Variants in RBFOX1 observed in about 807,000 individuals in gnomAD.
RBFOX1 encodes RNA binding protein fox-1 homolog 1.
RBFOX1 carries 8 observed loss-of-function variants against 57.7 expected under a neutral mutation model. The ratio of observed to expected loss-of-function variants is 0.14; its 90% CI spans 0.08 to 0.25. The LOEUF (loss-of-function observed/expected upper bound fraction) is 0.25, where lower values mean the gene tolerates loss of function less well. Ranked by LOEUF, RBFOX1 falls within the 10% of genes least tolerant of loss-of-function variation. The pLI, the probability that RBFOX1 is intolerant of heterozygous loss-of-function variation, is 1.00. For missense variants in RBFOX1, 611 were observed against 548.5 expected, an observed-to-expected ratio of 1.11 and a Z score of -1.14; for synonymous variants, 326 against 222.4, an observed-to-expected ratio of 1.47 and a Z score of -4.15.
intron 1 of RBFOX1, among the ~76,000 whole-genome samples, chr16:5,259,656 C>G (rs1364018780): frequency 6.6e-6 from 1 of 152,158 alleles, no homozygotes; most frequent in Non-Finnish European, 1.5e-5. Flanking sequence ...TAAGAAGAAT[C>G]TTTTTGCCCT....
chr16:6,925,109 GTT>G (rs57556084), intron 3 of RBFOX1, among the ~76,000 whole-genome samples: 12 of 45,252 alleles, frequency 2.7e-4, no homozygotes, highest in South Asian at 8.5e-4. Context: ...TAGGTTGTTG[GTT>G]TTTTTTTTTT....
intron 4 of RBFOX1, among the ~76,000 whole-genome samples, chr16:7,330,607 C>G (rs868425646): frequency 1.3e-5 from 2 of 151,714 alleles, no homozygotes; most frequent in Admixed American, 6.6e-5. Flanking sequence ...ACCTCTTCCT[C>G]AAGTTTGCTT....
At chr16:7,046,057 C>T (rs144201730) in intron 3 of RBFOX1, among the ~76,000 whole-genome samples, 63 of 152,272 alleles carry the variant, frequency 4.1e-4, no homozygotes, top group African/African-American at 1.4e-3. Context: ...TATTAAAATA[C>T]TTGCTGATTA....
At chr16:7,672,207 A>AC (rs1160966284) in intron 13 of RBFOX1, among the ~76,000 whole-genome samples, 1 of 152,150 alleles carries the variant, frequency 6.6e-6, no homozygotes, top group East Asian at 1.9e-4. Context: ...AACTGAACAA[A>AC]TTTGTAGGAA....
intron 4 of RBFOX1, among the ~76,000 whole-genome samples, chr16:7,132,057 T>C (rs1183936029): frequency 7.0e-6 from 1 of 143,656 alleles, no homozygotes; most frequent in Admixed American, 7.2e-5. Flanking sequence ...AGTGGCACAA[T>C]ATCAGGTCAC....
At chr16:7,239,024 T>C (rs555114985) in intron 4 of RBFOX1, among the ~76,000 whole-genome samples, 5 of 152,228 alleles carry the variant, frequency 3.3e-5, no homozygotes, top group Admixed American at 6.5e-5. Flanking sequence ...TACCACACTT[T>C]CTTTATCCAG....
chr16:7,011,554 C>T (rs774608498), intron 3 of RBFOX1, among the ~76,000 whole-genome samples: 2 of 152,298 alleles, frequency 1.3e-5, no homozygotes, highest in East Asian at 1.9e-4. Context: ...TGCTTTGTCG[C>T]ACAGGCTGGA....
intron 1 of RBFOX1, 116 bp downstream of exon 1, chr16:6,020,108 G>T (rs905712125): frequency 6.7e-6 from 8 of 1,193,834 alleles, no homozygotes; most frequent in Non-Finnish European, 7.6e-6. Flanking sequence ...CCTAGCGCCA[G>T]TCTGGGCGCT....
At chr16:6,057,892 G>A (rs982183208) in intron 1 of RBFOX1, among the ~76,000 whole-genome samples, 3 of 123,924 alleles carry the variant, frequency 2.4e-5, no homozygotes, top group East Asian at 2.6e-4. Context: ...GTAGGCAACC[G>A]CTCAGTTGAA....
At chr16:7,366,797 G>T (rs1009106626) in intron 4 of RBFOX1, among the ~76,000 whole-genome samples, 1 of 151,986 alleles carries the variant, frequency 6.6e-6, no homozygotes, top group Non-Finnish European at 1.5e-5. Context: ...ATCAAAAATG[G>T]GATTCCAGTG....
intron 1 of RBFOX1, among the ~76,000 whole-genome samples, chr16:5,397,501 T>C (rs2066593941): frequency 6.6e-6 from 1 of 152,214 alleles, no homozygotes; most frequent in South Asian, 2.1e-4. Flanking sequence ...GTGCCATATC[T>C]GCAACCCCAT....
chr16:7,019,630 A>G (rs952466419), intron 3 of RBFOX1, among the ~76,000 whole-genome samples: 4 of 127,472 alleles, frequency 3.1e-5, no homozygotes, highest in African/African-American at 1.8e-4. Context: ...TGATGTGATC[A>G]GGGCTGTGAT....
At chr16:7,396,643 A>C (rs2098143147) in intron 4 of RBFOX1, among the ~76,000 whole-genome samples, 1 of 152,202 alleles carries the variant, frequency 6.6e-6, no homozygotes, top group Admixed American at 6.5e-5. Flanking sequence ...AACACTTCTC[A>C]AAACACAGCA....
At chr16:7,508,114 G>T (rs933484873) in intron 4 of RBFOX1, among the ~76,000 whole-genome samples, 2 of 152,014 alleles carry the variant, frequency 1.3e-5, no homozygotes, top group Non-Finnish European at 2.9e-5. Flanking sequence ...AGCCTCCAAA[G>T]TAGCTGGGAT....
At chr16:5,248,824 A>G (rs2062370262) in intron 1 of RBFOX1, among the ~76,000 whole-genome samples, 1 of 152,054 alleles carries the variant, frequency 6.6e-6, no homozygotes, top group Non-Finnish European at 1.5e-5. Flanking sequence ...GCCTGTCTCT[A>G]ATAAAAATAC....
intron 2 of RBFOX1, among the ~76,000 whole-genome samples, chr16:6,368,908 C>A (rs183977473): frequency 1.3e-5 from 2 of 152,126 alleles, no homozygotes; most frequent in Non-Finnish European, 2.9e-5. Flanking sequence ...CAGTGGAATA[C>A]TACAGAGCAG....
intron 3 of RBFOX1, among the ~76,000 whole-genome samples, chr16:6,951,349 G>C (rs1300184107): frequency 1.3e-5 from 2 of 152,090 alleles, no homozygotes; most frequent in Non-Finnish European, 2.9e-5. Flanking sequence ...GGGTATTCTG[G>C]CTAACTCTTT....
chr16:6,601,985 C>CTA (rs2097858899), intron 2 of RBFOX1, among the ~76,000 whole-genome samples: 1 of 152,092 alleles, frequency 6.6e-6, no homozygotes, highest in African/African-American at 2.4e-5. Context: ...TCTCTCTTGT[C>CTA]AGGTAGGACA....
intron 3 of RBFOX1, among the ~76,000 whole-genome samples, chr16:6,685,636 G>A (rs776530892): frequency 2.0e-5 from 3 of 151,804 alleles, no homozygotes; most frequent in Non-Finnish European, 4.4e-5. Flanking sequence ...GACATCATTT[G>A]CTAGTTACAC....
Sources: allele counts gnomAD v4.1 joint callset (sites outside exome capture counted in the v4.1 genomes callset), GRCh38; gene constraint gnomAD v4.1.1; transcripts MANE v1.5; gene names NCBI Gene and HGNC (gene_info 2026-07-23, HGNC 2026-07-21).